The following IPCEF1 variants were observed in gnomAD, a reference collection of about 807,000 sequenced individuals.
IPCEF1 encodes interaction protein for cytohesin exchange factors 1.
IPCEF1 carries 31 observed loss-of-function variants against 50.9 expected under a neutral mutation model. The observed-to-expected ratio is 0.61, with a 90% confidence interval of 0.46 to 0.82. The LOEUF (loss-of-function observed/expected upper bound fraction) is 0.82, where lower values mean the gene tolerates loss of function less well. Ranked by LOEUF, IPCEF1 falls within the 40% of genes least tolerant of loss-of-function variation. The probability of loss-of-function intolerance (pLI) is 0.00; values close to 1 mark genes in which losing one functional copy is unlikely to be tolerated. For synonymous variants in IPCEF1, 181 were observed against 192.0 expected (o/e 0.94, Z 0.47); for missense variants, 458 against 514.0 (o/e 0.89, Z 1.05).
rs1236323184 is a variant in IPCEF1, at chr6:154,273,752, T to C, written c.-17-7788A>G. Among the ~76,000 whole-genome samples the C allele has an allele frequency of 1.4e-3, 94 of 67,028 alleles. 1 individual carries two copies. Among genetic ancestry groups the C allele is most frequent in the African/African-American group, 2.9e-3 (47 of 16,186 alleles). The allele number at this position is 67,028 out of a possible 152,430, so 44.0% of individuals were successfully genotyped here. ...TTTTTTTTTTTTTTTTTTTTTTTTTTTTTTTTTTTTTTTTTTTTTGAGGCA... is the reference window on the plus strand; with the variant it reads ...TTTTTTTTTTTTTTTTTTTTTTTTTCTTTTTTTTTTTTTTTTTTTGAGGCA... On this transcript the variant is annotated intron_variant, in intron 2 of 11. Transcript: ENST00000367220.
At chr6:154,347,198 A>G (rs936120010) in intron 1 of IPCEF1, among the ~76,000 whole-genome samples, 3 of 152,246 alleles carry the variant, frequency 2.0e-5, no homozygotes, top group African/African-American at 7.2e-5. Context: ...ACCTTATCCA[A>G]AAATAAGAAA....
chr6:154,286,820 G>T (rs146876149), intron 2 of IPCEF1, among the ~76,000 whole-genome samples: 1 of 152,238 alleles, frequency 6.6e-6, no homozygotes, highest in Non-Finnish European at 1.5e-5. Flanking sequence ...ACAAGTTGCT[G>T]GGAATAAAGG....
chr6:154,167,907 G>T lies in IPCEF1; in HGVS notation c.1104+13C>A. ...CATCCATAGAGTTCATCCACAATTTGAAATTTTGTTACCTTTAATGTGCTA... is the reference window on the plus strand; with the variant it reads ...CATCCATAGAGTTCATCCACAATTTTAAATTTTGTTACCTTTAATGTGCTA... On this transcript the variant is annotated intron_variant, in intron 11 of 11. Coordinates refer to ENST00000367220, the MANE Select transcript of IPCEF1 (RefSeq NM_001130700.2). 6.4e-7 allele frequency: 1 copy of T among 1,562,478 alleles called. No homozygotes were observed. The highest frequency in any genetic ancestry group is 1.7e-5 in the Admixed American group (1 of 58,236).
At chr6:154,233,614 CA>C (rs1358253757) in intron 5 of IPCEF1, among the ~76,000 whole-genome samples, 4 of 152,142 alleles carry the variant, frequency 2.6e-5, no homozygotes, top group Admixed American at 6.5e-5. Context: ...ATTATAAAAA[CA>C]GATGGAAAGA....
intron 9 of IPCEF1, among the ~76,000 whole-genome samples, chr6:154,211,182 C>T (rs565455046): frequency 9.8e-4 from 149 of 152,012 alleles, no homozygotes; most frequent in Middle Eastern, 3.4e-3. Flanking sequence ...TTTGGGAGGC[C>T]GAGGCAGGCG....
chr6:154,312,461 C>T (rs1783102026), intron 1 of IPCEF1, among the ~76,000 whole-genome samples: 1 of 152,106 alleles, frequency 6.6e-6, no homozygotes, highest in Non-Finnish European at 1.5e-5. Context: ...ATTCTTCTAC[C>T]TCAGCCTCCT....
intron 10 of IPCEF1, among the ~76,000 whole-genome samples, chr6:154,195,337 TG>T (rs1776520104): frequency 1.3e-5 from 2 of 151,882 alleles, no homozygotes; most frequent in Non-Finnish European, 2.9e-5. Flanking sequence ...TTAATAGAGA[TG>T]GGGTTTCACC....
intron 1 of IPCEF1, among the ~76,000 whole-genome samples, chr6:154,310,924 T>G (rs1324821148): frequency 6.6e-6 from 1 of 152,086 alleles, no homozygotes; most frequent in Non-Finnish European, 1.5e-5. Flanking sequence ...GAGGAGTAAG[T>G]GTTGGTGTTG....
chr6:154,238,837 T>C lies in IPCEF1; in HGVS notation c.246+7754A>G, dbSNP rs118101928. ...CTGGGATTACAGGCGTGAGCCACCATGCCTGGCCCTATTGTATAATCTTTT... is the reference window on the plus strand; with the variant it reads ...CTGGGATTACAGGCGTGAGCCACCACGCCTGGCCCTATTGTATAATCTTTT... On this transcript the variant is annotated intron_variant, in intron 5 of 11. Coordinates refer to ENST00000367220, the MANE Select transcript of IPCEF1 (RefSeq NM_001130700.2). Among the ~76,000 whole-genome samples the C allele has an allele frequency of 2.2e-4, 33 of 152,096 alleles. 1 individual carries two copies. In the East Asian group the frequency reaches 6.0e-3, roughly 28 times the overall value.
intron 2 of IPCEF1, among the ~76,000 whole-genome samples, chr6:154,279,238 G>T (rs1270037969): frequency 1.3e-5 from 2 of 151,944 alleles, no homozygotes; most frequent in Non-Finnish European, 2.9e-5. Flanking sequence ...TTTCTAAGAA[G>T]ATAGCAATAT....
chr6:154,343,507 T>C (rs1003580183), intron 1 of IPCEF1, among the ~76,000 whole-genome samples: 4 of 152,174 alleles, frequency 2.6e-5, no homozygotes, highest in African/African-American at 9.6e-5. Flanking sequence ...TCCACTTCCC[T>C]GGGAAAGCTT....
At chr6:154,289,334 T>C (rs1782452794) in intron 2 of IPCEF1, among the ~76,000 whole-genome samples, 1 of 151,898 alleles carries the variant, frequency 6.6e-6, no homozygotes, top group Non-Finnish European at 1.5e-5. Flanking sequence ...ACTCCATTTC[T>C]AGAGCATTCA....
intron 2 of IPCEF1, among the ~76,000 whole-genome samples, chr6:154,267,145 A>AT (rs1213139267): frequency 5.2e-5 from 1 of 19,390 alleles, no homozygotes; most frequent in Non-Finnish European, 9.7e-5. Context: ...TTCTTAAAAA[A>AT]AAATTAAAAC....
At position 154,212,780 on chromosome 6, in the gene IPCEF1, G is replaced by T; in HGVS notation, c.527C>A (p.Thr176Asn). The change falls in exon 9 of 12, where the codon ACT (threonine) becomes AAT (asparagine). Residue 176 changes from threonine to asparagine, a missense_variant. Thr to Asn is a moderately conservative substitution (Grantham distance 65). Coordinates refer to ENST00000367220, the MANE Select transcript of IPCEF1 (RefSeq NM_001130700.2). Reference sequence around the variant, plus strand: ...TATGTCGGTACATACCAAAGACTGAGTCTGGGAAGCGTGAGGAGGGGGTGG... The same window carrying T: ...TATGTCGGTACATACCAAAGACTGATTCTGGGAAGCGTGAGGAGGGGGTGG... ...ETPPPPHASQTQSLTAQQASS... is the reference protein window; with the variant it reads ...ETPPPPHASQNQSLTAQQASS... 6.2e-7 allele frequency: 1 copy of T among 1,610,464 alleles called. No homozygotes were observed. Among genetic ancestry groups the T allele is most frequent in the Non-Finnish European group, 8.5e-7 (1 of 1,176,664 alleles).
chr6:154,245,975 A>G (rs537155161), intron 5 of IPCEF1, among the ~76,000 whole-genome samples: 6 of 152,342 alleles, frequency 3.9e-5, no homozygotes, highest in African/African-American at 1.4e-4. Context: ...CTAGGCAACT[A>G]TCTTTTCAAA....
chr6:154,326,519 G>A (rs986246532), intron 1 of IPCEF1, among the ~76,000 whole-genome samples: 4 of 152,070 alleles, frequency 2.6e-5, no homozygotes, highest in African/African-American at 4.8e-5. Flanking sequence ...GGAAGAAAAG[G>A]ACCTCTTCAA....
intron 7 of IPCEF1, among the ~76,000 whole-genome samples, chr6:154,218,025 A>G (rs189698711): frequency 1.7e-3 from 263 of 152,322 alleles, no homozygotes; most frequent in South Asian, 0.01. Context: ...GATGTTTAGA[A>G]TCTTGTTTGA....
At position 154,197,945 on chromosome 6, in the gene IPCEF1, G is replaced by A. The variant is rs1377324121; in HGVS notation, c.910+1723C>T. ...TTTATTATTTTCTTTAGTTTCACCA[G>A]TCCTATATCTGGAAGTCTCTTCTAA... On this transcript the variant is annotated intron_variant, in intron 10 of 11. Coordinates refer to ENST00000367220, the MANE Select transcript of IPCEF1 (RefSeq NM_001130700.2). 2.0e-5 allele frequency among the ~76,000 whole-genome samples: 3 copies of A among 152,272 alleles called. No individual in the cohort carries two copies. The East Asian group carries it at 5.8e-4, about 29-fold the overall frequency.
intron 11 of IPCEF1, among the ~76,000 whole-genome samples, chr6:154,164,630 T>G (rs531578244): frequency 1.3e-5 from 2 of 152,230 alleles, no homozygotes; most frequent in East Asian, 3.9e-4. Flanking sequence ...TACTTTCAGT[T>G]TTTACTCCAA....
Sources: allele counts gnomAD v4.1 joint callset (sites outside exome capture counted in the v4.1 genomes callset), GRCh38; gene constraint gnomAD v4.1.1; transcripts MANE v1.5; gene names NCBI Gene and HGNC (gene_info 2026-07-23, HGNC 2026-07-21).